METTL15: variants seen among roughly 807,000 people sequenced by gnomAD.
The protein encoded by METTL15 is 12S rRNA N(4)-cytidine methyltransferase METTL15.
A neutral mutation model predicts 38.3 loss-of-function variants in METTL15; 34 were observed. The ratio of observed to expected loss-of-function variants is 0.89; its 90% CI spans 0.68 to 1.18. The LOEUF is 1.18. Among genes scored for constraint, METTL15 ranks in the 50% most tolerant of loss-of-function variants. The pLI, the probability that METTL15 is intolerant of heterozygous loss-of-function variation, is 0.00. For synonymous variants in METTL15, 162 were observed against 170.9 expected, an observed-to-expected ratio of 0.95 and a Z score of 0.41; for missense variants, 438 against 498.4, an observed-to-expected ratio of 0.88 and a Z score of 1.15.
At chr11:28,356,571 A>T (rs1456999449) in intron 4 of METTL15, among the ~76,000 whole-genome samples, 1 of 152,206 alleles carries the variant, frequency 6.6e-6, no homozygotes, top group Non-Finnish European at 1.5e-5. Context: ...TTTAGAAAGA[A>T]AGCCAAGCCA....
intron 3 of METTL15, among the ~76,000 whole-genome samples, chr11:28,130,930 T>A (rs187424078): frequency 6.6e-6 from 1 of 152,316 alleles, no homozygotes; most frequent in Admixed American, 6.5e-5. Context: ...TAATTGTTGC[T>A]GCCCCCTCTC....
intron 6 of METTL15, among the ~76,000 whole-genome samples, chr11:28,451,512 G>A (rs1851120308): frequency 6.6e-6 from 1 of 151,930 alleles, no homozygotes; most frequent in South Asian, 2.1e-4. Flanking sequence ...GTGAACCCAG[G>A]AGGCGGAGCT....
chr11:28,323,942 A>G (rs1590324317), intron 6 of METTL15, among the ~76,000 whole-genome samples: 1 of 152,238 alleles, frequency 6.6e-6, no homozygotes, highest in Admixed American at 6.5e-5. Flanking sequence ...TTTTCCCAGC[A>G]TTACTGTGAG....
intron 5 of METTL15, among the ~76,000 whole-genome samples, chr11:28,376,444 T>G (rs745713206): frequency 2.0e-5 from 3 of 152,318 alleles, no homozygotes; most frequent in South Asian, 4.2e-4. Context: ...TCTTTTGATC[T>G]TTGTTGGTTT....
intron 3 of METTL15, among the ~76,000 whole-genome samples, chr11:28,138,428 T>A (rs561959019): frequency 6.6e-6 from 1 of 152,302 alleles, no homozygotes; most frequent in East Asian, 1.9e-4. Context: ...GTGGCCAATA[T>A]TTCTAACTTT....
intron 6 of METTL15, among the ~76,000 whole-genome samples, chr11:28,300,501 G>T (rs1023431928): frequency 3.3e-5 from 5 of 152,120 alleles, no homozygotes; most frequent in Non-Finnish European, 7.4e-5. Flanking sequence ...AATAACTACA[G>T]TTCCAGTACT....
chr11:28,432,843 G>T (rs1355656358), intron 6 of METTL15, among the ~76,000 whole-genome samples: 1 of 151,996 alleles, frequency 6.6e-6, no homozygotes, highest in African/African-American at 2.4e-5. Context: ...GCATGTCCTT[G>T]TTTGACCATA....
At chr11:28,238,021 G>T (rs964171730) in intron 4 of METTL15, among the ~76,000 whole-genome samples, 1 of 152,152 alleles carries the variant, frequency 6.6e-6, no homozygotes, top group Non-Finnish European at 1.5e-5. Flanking sequence ...CTGCTGGAGG[G>T]TGCCTCCCAG....
At chr11:28,364,508 T>C (rs1277411868) in intron 5 of METTL15, among the ~76,000 whole-genome samples, 1 of 152,206 alleles carries the variant, frequency 6.6e-6, no homozygotes, top group African/African-American at 2.4e-5. Flanking sequence ...ATAAAAATGC[T>C]ACTGATTTTG....
intron 4 of METTL15, among the ~76,000 whole-genome samples, chr11:28,232,995 G>A (rs1853753310): frequency 6.6e-6 from 1 of 151,932 alleles, no homozygotes; most frequent in South Asian, 2.1e-4. Flanking sequence ...ATTTCAAAAA[G>A]TTATCTACCT....
intron 5 of METTL15, among the ~76,000 whole-genome samples, chr11:28,364,806 TTGGACTTTGTCA>T (rs1319511027): frequency 6.6e-6 from 1 of 152,202 alleles, no homozygotes; most frequent in Non-Finnish European, 1.5e-5. Context: ...CAGTATGATG[TTGGACTTTGTCA>T]TAGATGGCTC....
chr11:28,512,432 G>C (rs923681726), intron 6 of METTL15, among the ~76,000 whole-genome samples: 1 of 152,222 alleles, frequency 6.6e-6, no homozygotes, highest in African/African-American at 2.4e-5. Flanking sequence ...CCAAGGAGAT[G>C]GGGAGGCTCA....
At chr11:28,465,755 A>C (rs1851251937) in intron 6 of METTL15, among the ~76,000 whole-genome samples, 1 of 152,088 alleles carries the variant, frequency 6.6e-6, no homozygotes, top group African/African-American at 2.4e-5. Flanking sequence ...TCTCCTATTG[A>C]CATTTTGGGC....
intron 5 of METTL15, among the ~76,000 whole-genome samples, chr11:28,397,071 A>G (rs1316521272): frequency 6.6e-6 from 1 of 152,140 alleles, no homozygotes; most frequent in Non-Finnish European, 1.5e-5. Context: ...CCTTCCTTAC[A>G]CTTTATACAA....
chr11:28,411,773 C>G (rs1850725979), intron 5 of METTL15, among the ~76,000 whole-genome samples: 1 of 151,924 alleles, frequency 6.6e-6, no homozygotes, highest in Non-Finnish European at 1.5e-5. Flanking sequence ...ATCTGCACAG[C>G]AGAGACCACA....
At chr11:28,182,883 C>T (rs1237049191) in intron 3 of METTL15, among the ~76,000 whole-genome samples, 1 of 152,070 alleles carries the variant, frequency 6.6e-6, no homozygotes, top group Non-Finnish European at 1.5e-5. Flanking sequence ...TCTTCCTATT[C>T]ATGAGCATGG....
intron 5 of METTL15, among the ~76,000 whole-genome samples, chr11:28,414,213 T>G (rs562751373): frequency 1.3e-5 from 2 of 152,074 alleles, no homozygotes; most frequent in Admixed American, 1.3e-4. Context: ...GGTCACCTGA[T>G]GGAACCTGGA....
At chr11:28,338,759 T>C (rs1313968528) in intron 3 of METTL15, among the ~76,000 whole-genome samples, 2 of 152,084 alleles carry the variant, frequency 1.3e-5, no homozygotes, top group African/African-American at 4.8e-5. Context: ...AATCAAGGTG[T>C]TAAAATTGAC....
intron 5 of METTL15, among the ~76,000 whole-genome samples, chr11:28,409,032 G>A (rs1850700914): frequency 6.6e-6 from 1 of 152,052 alleles, no homozygotes; most frequent in Admixed American, 6.6e-5. Flanking sequence ...TAGTACATAT[G>A]GAACATTCTC....
Sources: allele counts gnomAD v4.1 joint callset (sites outside exome capture counted in the v4.1 genomes callset), GRCh38; gene constraint gnomAD v4.1.1; transcripts MANE v1.5; gene names NCBI Gene and HGNC (gene_info 2026-07-23, HGNC 2026-07-21).